The following ROR1 variants were observed in gnomAD, a reference collection of about 807,000 sequenced individuals.
The protein encoded by ROR1 is ROR family WNT receptor 1, also known as inactive tyrosine-protein kinase transmembrane receptor ROR1.
A neutral mutation model predicts 78.8 loss-of-function variants in ROR1; 19 were observed. That is an observed-to-expected ratio of 0.24 (90% CI 0.17 to 0.35). The LOEUF (loss-of-function observed/expected upper bound fraction) is 0.35, where lower values mean the gene tolerates loss of function less well. Among genes scored for constraint, ROR1 ranks in the 10% least tolerant of loss-of-function variants. The pLI is 1.00. For missense variants in ROR1, 917 were observed against 1,177.8 expected (o/e 0.78, Z 3.24); for synonymous variants, 386 against 433.6 (o/e 0.89, Z 1.36).
chr1:64,023,173 C>T (rs1432489011), intron 2 of ROR1, among the ~76,000 whole-genome samples: 1 of 152,138 alleles, frequency 6.6e-6, no homozygotes, highest in African/African-American at 2.4e-5. Flanking sequence ...CCTTGAGATA[C>T]TGCCCTTGCA....
chr1:63,830,681 C>CTTTGATA (rs1233748283), intron 1 of ROR1, among the ~76,000 whole-genome samples: 3 of 152,122 alleles, frequency 2.0e-5, no homozygotes, highest in African/African-American at 7.2e-5. Flanking sequence ...CATTTTACTC[C>CTTTGATA]TGGCCCCTTT....
At chr1:64,076,187 A>G (rs943431215) in intron 4 of ROR1, among the ~76,000 whole-genome samples, 5 of 152,138 alleles carry the variant, frequency 3.3e-5, no homozygotes, top group African/African-American at 7.2e-5. Context: ...TTCTGTTGCA[A>G]ATCAAAGCCC....
chr1:63,996,138 G>C (rs1646335211), intron 1 of ROR1, among the ~76,000 whole-genome samples: 1 of 152,148 alleles, frequency 6.6e-6, no homozygotes, highest in Admixed American at 6.6e-5. Flanking sequence ...TAACGTAGAA[G>C]AAAGTAAAAT....
At chr1:63,943,093 TAAAAAAAAAAAA>T (rs56230309) in intron 1 of ROR1, among the ~76,000 whole-genome samples, 1 of 115,028 alleles carries the variant, frequency 8.7e-6, no homozygotes, top group African/African-American at 3.5e-5. Flanking sequence ...ACCCTGTCTT[TAAAAAAAAAAAA>T]AAAAAAAAAA....
intron 4 of ROR1, among the ~76,000 whole-genome samples, chr1:64,133,927 G>GA (rs760564908): frequency 6.6e-6 from 1 of 152,154 alleles, no homozygotes; most frequent in Non-Finnish European, 1.5e-5. Context: ...AGCCAGTGGG[G>GA]AAAAATGGAA....
chr1:63,860,590 C>CACACACACAT (rs1553138069), intron 1 of ROR1, among the ~76,000 whole-genome samples: 4 of 148,724 alleles, frequency 2.7e-5, no homozygotes, highest in African/African-American at 1.0e-4. Context: ...CACACACACA[C>CACACACACAT]ACACACACAC....
chr1:63,869,890 CCTAA>C (rs973393309), intron 1 of ROR1, among the ~76,000 whole-genome samples: 4 of 152,188 alleles, frequency 2.6e-5, no homozygotes, highest in African/African-American at 9.6e-5. Flanking sequence ...ACATAAGTAT[CCTAA>C]CTCTTATTTT....
chr1:64,002,456 A>G (rs151072851), intron 1 of ROR1, among the ~76,000 whole-genome samples: 298 of 152,300 alleles, frequency 2.0e-3, no homozygotes, highest in African/African-American at 6.6e-3. Context: ...GTTCTTACAC[A>G]TAGAAAGTGC....
At chr1:63,916,038 C>T in intron 1 of ROR1, among the ~76,000 whole-genome samples, 1 of 152,154 alleles carries the variant, frequency 6.6e-6, no homozygotes, top group Admixed American at 6.5e-5. Flanking sequence ...GTTGTTTTAT[C>T]CCTATACATA....
At chr1:64,007,585 T>A (rs543181147) in intron 1 of ROR1, among the ~76,000 whole-genome samples, 52 of 152,298 alleles carry the variant, frequency 3.4e-4, no homozygotes, top group African/African-American at 1.2e-3. Context: ...CATAGTGTAT[T>A]ATGTCCTTTA....
intron 7 of ROR1, among the ~76,000 whole-genome samples, chr1:64,157,052 A>G (rs1283966869): frequency 6.6e-6 from 1 of 152,194 alleles, no homozygotes; most frequent in Non-Finnish European, 1.5e-5. Flanking sequence ...ACATAAAATG[A>G]GTTTATGAAA....
intron 4 of ROR1, 103 bp downstream of exon 4, chr1:64,050,819 C>T: frequency 8.9e-7 from 1 of 1,123,366 alleles, no homozygotes; most frequent in Non-Finnish European, 1.4e-6. Flanking sequence ...TACTGGCTTC[C>T]AGATGTCATT....
intron 1 of ROR1, among the ~76,000 whole-genome samples, chr1:63,809,036 A>G (rs1644845408): frequency 6.6e-6 from 1 of 152,226 alleles, no homozygotes; most frequent in Non-Finnish European, 1.5e-5. Context: ...GGAACTGTCT[A>G]CAATGGGATG....
At chr1:63,972,664 G>A (rs1171097777) in intron 1 of ROR1, among the ~76,000 whole-genome samples, 1 of 152,168 alleles carries the variant, frequency 6.6e-6, no homozygotes, top group Non-Finnish European at 1.5e-5. Flanking sequence ...CCCAACCAGG[G>A]CAGGTAAAAA....
chr1:64,096,022 G>A (rs1007969175), intron 4 of ROR1, among the ~76,000 whole-genome samples: 3 of 145,586 alleles, frequency 2.1e-5, no homozygotes, highest in Non-Finnish European at 3.0e-5. Flanking sequence ...TTTGTACTAG[G>A]AACAAAGGGT....
intron 2 of ROR1, among the ~76,000 whole-genome samples, chr1:64,046,287 G>T (rs1372670065): frequency 6.6e-6 from 1 of 152,140 alleles, no homozygotes; most frequent in Admixed American, 6.5e-5. Flanking sequence ...GGGATGCCCA[G>T]GTGTTCTCGT....
intron 4 of ROR1, among the ~76,000 whole-genome samples, chr1:64,078,651 C>G (rs1647072697): frequency 6.6e-6 from 1 of 152,086 alleles, no homozygotes; most frequent in Non-Finnish European, 1.5e-5. Flanking sequence ...CAGGACCTCA[C>G]CCTCCTCTGA....
intron 1 of ROR1, among the ~76,000 whole-genome samples, chr1:63,811,960 GTTTT>G (rs568040372): frequency 1.6e-5 from 2 of 124,058 alleles, no homozygotes. Flanking sequence ...AACCAGAGGT[GTTTT>G]TTTTTTTTTT....
At chr1:63,954,609 C>T (rs1374821325) in intron 1 of ROR1, among the ~76,000 whole-genome samples, 1 of 152,158 alleles carries the variant, frequency 6.6e-6, no homozygotes, top group South Asian at 2.1e-4. Flanking sequence ...TTCAACCAAC[C>T]TGGGATCAAA....
Sources: allele counts gnomAD v4.1 joint callset (sites outside exome capture counted in the v4.1 genomes callset), GRCh38; gene constraint gnomAD v4.1.1; transcripts MANE v1.5; gene names NCBI Gene and HGNC (gene_info 2026-07-23, HGNC 2026-07-21).